TNXB: variants seen among roughly 807,000 people sequenced by gnomAD.
TNXB encodes tenascin-X.
A neutral mutation model predicts 340.5 loss-of-function variants in TNXB; 183 were observed. The ratio of observed to expected loss-of-function variants is 0.54; its 90% CI spans 0.48 to 0.61. The LOEUF is 0.61. Ranked by LOEUF, TNXB falls within the 20% of genes least tolerant of loss-of-function variation. The pLI, the probability that TNXB is intolerant of heterozygous loss-of-function variation, is 0.00. For synonymous variants in TNXB, 2,121 were observed against 2,314.5 expected, an observed-to-expected ratio of 0.92 and a Z score of 2.40; for missense variants, 4,613 against 5,446.4, an observed-to-expected ratio of 0.85 and a Z score of 4.82.
Position 32,084,667 on chromosome 6 carries a change from C to CGAG in TNXB, c.3190_3191insCTC (p.Pro1063dup). Reference sequence around the variant, plus strand: ...GTCTGTCACCGTCAGCTCACCCAGGCGTGGTGGGCCTGAGGACTTCCCAGG... The same window carrying CGAG: ...GTCTGTCACCGTCAGCTCACCCAGGCGAGGTGGTGGGCCTGAGGACTTCCCAGG... On this transcript the variant is annotated inframe_insertion, in exon 8 of 44. Transcript: ENST00000644971. The surrounding 1 kb of genome is among the most constrained non-coding windows in gnomAD (Gnocchi z 5.5). 1 of 1,591,842 alleles carries CGAG rather than the reference C, an allele frequency of 6.3e-7. No homozygotes were observed. Among genetic ancestry groups the CGAG allele is most frequent in the Non-Finnish European group, 8.6e-7 (1 of 1,167,012 alleles).
chr6:32,063,065 A>G (rs1778127142), intron 19 of TNXB, among the ~76,000 whole-genome samples: 1 of 150,032 alleles, frequency 6.7e-6, no homozygotes. Context: ...GAAAAAAACA[A>G]ACAAACAAAA....
At position 32,087,670 on chromosome 6, in the gene TNXB, C is replaced by G. The variant is rs1017908996; in HGVS notation, c.2779+1115G>C. The G allele has an allele frequency of 4.6e-6, 2 of 437,240 alleles. No homozygotes were observed. The highest frequency in any genetic ancestry group is 4.6e-6 in the Non-Finnish European group (1 of 216,406). 27.1% of individuals were successfully genotyped at this position (437,240 alleles called of 1,614,324 possible). A position where few individuals can be genotyped will look rare whatever the true frequency, so the allele number is the denominator to read the frequency against. On this transcript the variant is annotated intron_variant, in intron 6 of 43. Coordinates refer to ENST00000644971, the MANE Select transcript of TNXB (RefSeq NM_001365276.2). This position sits in a 1 kb window ranked among gnomAD's most constrained non-coding sequence, Gnocchi z 9.0. ...GCCGGCTGGGGCGGCGGCCAACAGA[C>G]GCCGCTGCAAGTATTCATGGATGTG...
intron 21 of TNXB, among the ~76,000 whole-genome samples, chr6:32,059,270 T>C (rs1455850116): frequency 2.0e-5 from 3 of 150,782 alleles, no homozygotes; most frequent in Non-Finnish European, 2.9e-5. Context: ...AATACAAAAA[T>C]TAGCCAGGCG....
At position 32,074,881 on chromosome 6, in the gene TNXB, C is replaced by T. The variant is rs1304240951; in HGVS notation, c.4376-929G>A. ...TTTCAGTAGAGATGGGGTTTCTCCACGTTAGTCAGGTTGGTCTTGAACTCC... is the reference window on the plus strand; with the variant it reads ...TTTCAGTAGAGATGGGGTTTCTCCATGTTAGTCAGGTTGGTCTTGAACTCC... On this transcript the variant is annotated intron_variant, in intron 11 of 43. Transcript: ENST00000644971. This position sits in a 1 kb window ranked among gnomAD's most constrained non-coding sequence, Gnocchi z 5.5. Among the ~76,000 whole-genome samples, 10 of 152,118 alleles carry T rather than the reference C, an allele frequency of 6.6e-5. No individual in the cohort carries two copies. Among genetic ancestry groups the T allele is most frequent in the South Asian group, 2.1e-4 (1 of 4,832 alleles).
At chr6:32,099,435 G>A (rs1780598858) in intron 1 of TNXB, among the ~76,000 whole-genome samples, 1 of 152,032 alleles carries the variant, frequency 6.6e-6, no homozygotes, top group Non-Finnish European at 1.5e-5. Context: ...GTTTCACCAT[G>A]TAGGCAGGCT....
rs778724871 is a variant in TNXB, at chr6:32,048,364, G to C, written c.10044C>G (p.Thr3348=). The stretch of plus-strand genomic sequence containing the variant: ...GGGAGGCCTCCAGCCCTCACTCACC[G>C]GTCCTGGCCTCCACAGGGACTGGGC... The part of the protein sequence containing the change: ...RHGPVPVEAR[T]APDTKPSPRL... Residue 3348 remains threonine, a splice_region_variant and synonymous_variant, in exon 29 of 44, where the codon ACC becomes ACG. Transcript: ENST00000644971. The C allele has an allele frequency of 2.7e-6, 4 of 1,475,430 alleles. No individual in the cohort carries two copies. Among genetic ancestry groups the C allele is most frequent in the Non-Finnish European group, 3.6e-6 (4 of 1,110,268 alleles). 91.4% of individuals were successfully genotyped at this position (1,475,430 alleles called of 1,614,324 possible). A position where few individuals can be genotyped will look rare whatever the true frequency, so the allele number is the denominator to read the frequency against.
chr6:32,056,079 A>T lies in TNXB; in HGVS notation c.8239T>A (p.Ser2747Thr). Reference protein sequence around the residue: ...PLLGELTVTGSSPDSLSLSWT... With the variant: ...PLLGELTVTGTSPDSLSLSWT... ...GAGAGGCTCAGCGAGTCAGGGGAGG[A>T]TCCTGTCACTGTCAGCTCCCCCAGG... Residue 2747 changes from serine (S) to threonine (T), a missense_variant, in exon 24 of 44, where the codon TCC becomes ACC. Physicochemically the swap from Ser to Thr is moderately conservative, Grantham distance 58. Transcript: ENST00000644971. The T allele has an allele frequency of 4.3e-6, 7 of 1,612,642 alleles. No homozygotes were observed. Among genetic ancestry groups the T allele is most frequent in the Non-Finnish European group, 5.9e-6 (7 of 1,179,836 alleles).
rs574197491 is a variant in TNXB, at chr6:32,043,672, T to A, written c.11530+77A>T. 2.7e-5 allele frequency: 44 copies of A among 1,608,120 alleles called. No homozygotes were observed. In the African/African-American group the frequency reaches 5.8e-4, roughly 21 times the overall value. On this transcript the variant is annotated intron_variant, in intron 35 of 43. Coordinates refer to ENST00000644971, the MANE Select transcript of TNXB (RefSeq NM_001365276.2). ...AGCCTCCACCACCTCCCTTTCACCCTCCTCGTTCTCTCTCAACTCCCACCC... is the reference window on the plus strand; with the variant it reads ...AGCCTCCACCACCTCCCTTTCACCCACCTCGTTCTCTCTCAACTCCCACCC...
At position 32,058,579 on chromosome 6, in the gene TNXB, G is replaced by A. The variant is rs914998529; in HGVS notation, c.7493-189C>T. 2.0e-5 allele frequency among the ~76,000 whole-genome samples: 3 copies of A among 151,854 alleles called. No homozygotes were observed. The highest frequency in any genetic ancestry group is 2.9e-5 in the Non-Finnish European group (2 of 68,040). ...TGAGGTATCCCCGAGCCCCCGGCCT[G>A]TACTGCTGGCAGAGCTGCACTGTTA... On this transcript the variant is annotated intron_variant, in intron 21 of 43. Transcript: ENST00000644971. This position sits in a 1 kb window ranked among gnomAD's most constrained non-coding sequence, Gnocchi z 5.1.
chr6:32,041,550 C>T lies in TNXB; in HGVS notation c.12634-100G>A, dbSNP rs552558768. The T allele has an allele frequency of 1.7e-3, 1,871 of 1,072,086 alleles. 126 individuals are homozygous for T. The highest frequency in any genetic ancestry group is 6.0e-4 in the Non-Finnish European group (428 of 717,568). 66.4% of individuals were successfully genotyped at this position (1,072,086 alleles called of 1,614,324 possible). On this transcript the variant is annotated intron_variant, in intron 43 of 43. Coordinates refer to ENST00000644971, the MANE Select transcript of TNXB (RefSeq NM_001365276.2). ...GCTCCCAGCACTCAACCAACCTCCC[C>T]GCAGAGCTCCCTTCCTGACCCTCCG...
In TNXB at chr6:32,069,747, A is replaced by T; in HGVS notation, c.5393T>A (p.Val1798Asp). 1 of 1,611,474 alleles carries T rather than the reference A, an allele frequency of 6.2e-7. No individual in the cohort carries two copies. The highest frequency in any genetic ancestry group is 1.1e-5 in the South Asian group (1 of 90,870). The change falls in exon 15 of 44, where the codon GTC becomes GAC. Residue 1798 changes from valine (V) to aspartate (D), a missense_variant. Transcript: ENST00000644971. The surrounding 1 kb of genome is among the most constrained non-coding windows in gnomAD (Gnocchi z 6.2). ...AAAGGAGTCAAACTGGCCCTCAGGGACTGTCCAGGAGAGGCCCACGGAGTT... is the reference window on the plus strand; with the variant it reads ...AAAGGAGTCAAACTGGCCCTCAGGGTCTGTCCAGGAGAGGCCCACGGAGTT... Reference protein sequence around the residue: ...TQNSVGLSWTVPEGQFDSFVV... With the variant: ...TQNSVGLSWTDPEGQFDSFVV...
intron 11 of TNXB, among the ~76,000 whole-genome samples, chr6:32,076,753 G>A (rs1317908018): frequency 3.3e-5 from 5 of 152,272 alleles, no homozygotes; most frequent in African/African-American, 7.2e-5. Context: ...AGGCCAAGGC[G>A]GGTGGATCAT....
At position 32,089,417 on chromosome 6, in the gene TNXB, C is replaced by T. The variant is rs1779980692; in HGVS notation, c.2359-38G>A. 6.3e-7 allele frequency: 1 copy of T among 1,577,582 alleles called. No individual in the cohort carries two copies. Among genetic ancestry groups the T allele is most frequent in the African/African-American group, 1.3e-5 (1 of 74,376 alleles). ...GCACCAGGTGGCTCAGGGGCTGGCACTCTTGCCTCTGCTGCTCAATCCCCC... is the reference window on the plus strand; with the variant it reads ...GCACCAGGTGGCTCAGGGGCTGGCATTCTTGCCTCTGCTGCTCAATCCCCC... On this transcript the variant is annotated intron_variant, in intron 4 of 43. Coordinates refer to ENST00000644971, the MANE Select transcript of TNXB (RefSeq NM_001365276.2). This position sits in a 1 kb window ranked among gnomAD's most constrained non-coding sequence, Gnocchi z 6.2.
chr6:32,107,515 C>T (rs1054544580), intron 1 of TNXB, among the ~76,000 whole-genome samples: 1 of 152,098 alleles, frequency 6.6e-6, no homozygotes, highest in African/African-American at 2.4e-5. Flanking sequence ...CTTGTGTCTC[C>T]CCTTCACCAT....
chr6:32,090,300 A>G lies in TNXB; in HGVS notation c.2359-921T>C, dbSNP rs1780018542. Among the ~76,000 whole-genome samples, 1 of 152,200 alleles carries G rather than the reference A, an allele frequency of 6.6e-6. No homozygotes were observed. Among genetic ancestry groups the G allele is most frequent in the Non-Finnish European group, 1.5e-5 (1 of 68,034 alleles). On this transcript the variant is annotated intron_variant, in intron 4 of 43. Coordinates refer to ENST00000644971, the MANE Select transcript of TNXB (RefSeq NM_001365276.2). This position sits in a 1 kb window ranked among gnomAD's most constrained non-coding sequence, Gnocchi z 4.3. ...GCTTAGCAAATGCTTGTGAGAAAAC[A>G]ACACTCCTACAAGTGTACATTTAAG...
In TNXB at chr6:32,086,021, G is replaced by A; in HGVS notation, c.2877C>T (p.Arg959=). 2 of 1,606,250 alleles carry A rather than the reference G, an allele frequency of 1.2e-6. No homozygotes were observed. The highest frequency in any genetic ancestry group is 1.1e-5 in the South Asian group (1 of 89,676). ...QGAQAPLLQQ[R]PQELGELRVL... is the part of the protein sequence containing the mutation. ...CCCTCAACTCTCCCAGCTCCTGGGG[G>A]CGCTGCTGCAGGAGAGGAGCCTGGG... Residue 959 remains arginine (R), a synonymous_variant, in exon 7 of 44, where the codon CGC becomes CGT. Transcript: ENST00000644971.
Position 32,096,468 on chromosome 6 carries a change from C to T in TNXB, c.1385G>A (p.Gly462Asp), listed in dbSNP as rs1355788291. ...CNAGYSGEDC[G>D]VRSCPGDCRG... ...ACAGTCCCCAGGACAGCTGCGCACA[C>T]CGCAGTCCTCGCCGCTGTAGCCCGC... is the stretch of plus-strand genomic sequence containing the variant. The change falls in exon 3 of 44, where the codon GGT (glycine) becomes GAT (aspartate). Residue 462 changes from glycine to aspartate, a missense_variant. Gly to Asp is a moderately conservative substitution (Grantham distance 94). Around this residue, in one of 7 missense-constraint regions of TNXB, gnomAD observed 4,327 missense variants for 4,859.4 expected, o/e 0.89. Coordinates refer to ENST00000644971, the MANE Select transcript of TNXB (RefSeq NM_001365276.2). 2 of 1,600,006 alleles carry T rather than the reference C, an allele frequency of 1.3e-6. No homozygotes were observed. The highest frequency in any genetic ancestry group is 1.1e-5 in the South Asian group (1 of 90,864).
intron 4 of TNXB, among the ~76,000 whole-genome samples, chr6:32,094,095 CAAAAAAAAAAAAAAAAA>C (rs9281649): frequency 3.5e-5 from 1 of 28,958 alleles, no homozygotes; most frequent in Non-Finnish European, 5.8e-5. Flanking sequence ...CTCTCTGTCT[CAAAAAAAAAAAAAAAAA>C]AAAAAAAAAA....
rs763024425 is a variant in TNXB, at chr6:32,067,805, C to T, written c.6400G>A (p.Gly2134Arg). ...SFTVQYKDRD[G>R]RPQVVRVGGE... Reference sequence around the variant, plus strand: ...CCAACACGCACCACCTGGGGCCGCCCGTCCCTGTCCTTGTACTGCACGGTG... The same window carrying T: ...CCAACACGCACCACCTGGGGCCGCCTGTCCCTGTCCTTGTACTGCACGGTG... Residue 2134 changes from glycine (G) to arginine (R), a missense_variant, in exon 18 of 44, where the codon GGG (glycine) becomes AGG (arginine). Gly to Arg is a moderately radical substitution (Grantham distance 125). Coordinates refer to ENST00000644971, the MANE Select transcript of TNXB (RefSeq NM_001365276.2). The surrounding 1 kb of genome is among the most constrained non-coding windows in gnomAD (Gnocchi z 4.2). 139 of 1,613,430 alleles carry T rather than the reference C, an allele frequency of 8.6e-5. 1 individual carries two copies. Among genetic ancestry groups the T allele is most frequent in the South Asian group, 4.5e-4 (41 of 91,070 alleles).
Sources: gnomAD v4.1 joint callset for allele counts (sites outside exome capture counted in the v4.1 genomes callset) on GRCh38, gnomAD v4.1.1 for gene constraint, gnomAD v4.1.1 regional missense constraint, Gnocchi (gnomAD v3.1) non-coding constraint, MANE v1.5 for transcripts, NCBI Gene and HGNC (gene_info 2026-07-23, HGNC 2026-07-21) for gene names.